Variants in CEP83 observed in about 807,000 individuals in gnomAD.
CEP83 encodes centrosomal protein 83.
CEP83 carries 70 observed loss-of-function variants against 101.9 expected under a neutral mutation model. The ratio of observed to expected loss-of-function variants is 0.69; its 90% confidence interval spans 0.57 to 0.84. The LOEUF (loss-of-function observed/expected upper bound fraction) is 0.84. Among genes scored for constraint, CEP83 ranks in the 40% least tolerant of loss-of-function variants. CEP83 has a pLI of 0.00. For synonymous variants in CEP83, 264 were observed against 267.9 expected, an observed-to-expected ratio of 0.99 and a Z score of 0.14; for missense variants, 715 against 787.2, an observed-to-expected ratio of 0.91 and a Z score of 1.10.
chr12:94,354,076 G>A (rs2060328981), intron 11 of CEP83, among the ~76,000 whole-genome samples: 1 of 152,186 alleles, frequency 6.6e-6, no homozygotes, highest in Non-Finnish European at 1.5e-5. Context: ...CTCTGCATTA[G>A]AGAGATCACC....
chr12:94,426,957 A>G (rs552007731), intron 2 of CEP83, among the ~76,000 whole-genome samples: 45 of 152,354 alleles, frequency 3.0e-4, no homozygotes, highest in Non-Finnish European at 2.9e-5. Context: ...TCTGACTTCT[A>G]ATCTCTAAAA....
chr12:94,278,060 C>A, the CEP83 span: 1 of 456,026 alleles, frequency 2.2e-6, no homozygotes, highest in Admixed American at 2.3e-5. Context: ...TTGGAGCCCC[C>A]CCTCCCTCTG....
chr12:94,312,675 G>C, intron 15 of CEP83: 1 of 985,292 alleles, frequency 1.0e-6, no homozygotes, highest in Non-Finnish European at 1.2e-6. Flanking sequence ...CAAAGCCAGT[G>C]ACATTTTCTG....
chr12:94,333,143 C>G (rs1003689973), intron 13 of CEP83, among the ~76,000 whole-genome samples: 3 of 142,600 alleles, frequency 2.1e-5, no homozygotes, highest in African/African-American at 7.7e-5. Flanking sequence ...AAAAACAAAA[C>G]AAAAAACCCA....
chr12:94,395,859 G>C (rs1367142394), intron 6 of CEP83, among the ~76,000 whole-genome samples: 2 of 152,064 alleles, frequency 1.3e-5, no homozygotes, highest in Admixed American at 1.3e-4. Flanking sequence ...GCATTTCCAG[G>C]GAACCAGGGG....
chr12:94,406,449 A>G (rs747015837), intron 4 of CEP83, among the ~76,000 whole-genome samples: 3 of 151,896 alleles, frequency 2.0e-5, no homozygotes, highest in Non-Finnish European at 4.4e-5. Flanking sequence ...GCAGAGAAGC[A>G]TGAGAGAGAG....
chr12:94,384,832 T>G (rs1297970599), intron 6 of CEP83, among the ~76,000 whole-genome samples: 1 of 152,210 alleles, frequency 6.6e-6, no homozygotes, highest in East Asian at 1.9e-4. Context: ...TGAATCATTC[T>G]TACCATGGCT....
intron 11 of CEP83, among the ~76,000 whole-genome samples, chr12:94,355,615 TAAACTGGCCCCA>T (rs2060429428): frequency 6.6e-6 from 1 of 151,972 alleles, no homozygotes; most frequent in African/African-American, 2.4e-5. Flanking sequence ...AGTCTGGCCA[TAAACTGGCCCCA>T]AAACTGGCCA....
chr12:94,423,974 T>G, intron 2 of CEP83: 1 of 1,613,112 alleles, frequency 6.2e-7, no homozygotes, highest in African/African-American at 1.3e-5. Context: ...GGAGGCAGGC[T>G]GGAGAGAAAT....
intron 14 of CEP83, among the ~76,000 whole-genome samples, chr12:94,324,260 G>C (rs1366708131): frequency 6.6e-6 from 1 of 152,086 alleles, no homozygotes; most frequent in Non-Finnish European, 1.5e-5. Context: ...GCCAAATGAG[G>C]CATTTCTTTG....
chr12:94,398,170 G>C (rs1194718067), intron 6 of CEP83, among the ~76,000 whole-genome samples: 1 of 152,212 alleles, frequency 6.6e-6, no homozygotes, highest in African/African-American at 2.4e-5. Context: ...TTAAGCCGAA[G>C]CTGGAGAGAA....
chr12:94,449,776 C>CAAAAAAAAAAA (rs1566244469), intron 1 of CEP83, among the ~76,000 whole-genome samples: 1 of 4,672 alleles, frequency 2.1e-4, no homozygotes. Context: ...CTGTCTCAAA[C>CAAAAAAAAAAA]AATAAAAAAA....
intron 6 of CEP83, among the ~76,000 whole-genome samples, chr12:94,399,114 G>C (rs879922882): frequency 6.6e-6 from 1 of 152,050 alleles, no homozygotes; most frequent in Non-Finnish European, 1.5e-5. Flanking sequence ...TTTGATCTTT[G>C]TTCTCCTTTT....
chr12:94,321,079 CTTCTT>C (rs1158152523), intron 14 of CEP83, among the ~76,000 whole-genome samples: 1 of 152,026 alleles, frequency 6.6e-6, no homozygotes, highest in African/African-American at 2.4e-5. Flanking sequence ...CTTTTCTATT[CTTCTT>C]TTTTATTTTT....
chr12:94,286,864 T>C, the CEP83 span, among the ~76,000 whole-genome samples: 2 of 152,146 alleles, frequency 1.3e-5, no homozygotes, highest in Non-Finnish European at 2.9e-5. Flanking sequence ...AATGATTTAC[T>C]CTCAGCACAT....
chr12:94,334,265 G>A (rs1040057616), intron 12 of CEP83, among the ~76,000 whole-genome samples: 1 of 152,088 alleles, frequency 6.6e-6, no homozygotes, highest in Non-Finnish European at 1.5e-5. Context: ...AGATTCCTTG[G>A]CCTCTACAGC....
At chr12:94,324,496 C>T (rs866682319) in intron 14 of CEP83, among the ~76,000 whole-genome samples, 1 of 152,260 alleles carries the variant, frequency 6.6e-6, no homozygotes, top group Middle Eastern at 3.4e-3. Context: ...TCATTCACTA[C>T]ATTGTTCATT....
intron 8 of CEP83, among the ~76,000 whole-genome samples, chr12:94,370,394 G>C (rs1417593983): frequency 6.6e-6 from 1 of 152,196 alleles, no homozygotes; most frequent in Non-Finnish European, 1.5e-5. Context: ...ATTTCTAAAA[G>C]ACAGGGTCTT....
intron 2 of CEP83, chr12:94,423,599 C>T: frequency 1.3e-6 from 2 of 1,540,092 alleles, no homozygotes; most frequent in Non-Finnish European, 1.7e-6. Flanking sequence ...CAGGCCCAGG[C>T]CTGTGAAAAA....
Sources: gnomAD v4.1 joint callset for allele counts (sites outside exome capture counted in the v4.1 genomes callset) on GRCh38, gnomAD v4.1.1 for gene constraint, MANE v1.5 for transcripts, NCBI Gene and HGNC (gene_info 2026-07-23, HGNC 2026-07-21) for gene names.